Variants in EP400 observed in about 807,000 individuals in gnomAD.
The protein encoded by EP400 is E1A binding protein p400, also known as E1A-binding protein p400.
In EP400, 105 loss-of-function variants were observed where a neutral mutation model predicts 354.1. That is an observed-to-expected ratio of 0.30 (90% CI 0.25 to 0.35). The LOEUF is 0.35. EP400 is among the 10% of genes least tolerant of loss of function. EP400 has a pLI of 1.00. For missense variants in EP400, 3,280 were observed against 4,121.0 expected (o/e 0.80, Z 5.59); for synonymous variants, 1,646 against 1,716.9 (o/e 0.96, Z 1.02).
chr12:131,998,535 A>G (rs1337783261), intron 12 of EP400, among the ~76,000 whole-genome samples: 2 of 151,720 alleles, frequency 1.3e-5, no homozygotes, highest in Non-Finnish European at 2.9e-5. Context: ...TAAATGGTAT[A>G]TTTTCTAAAA....
rs764024339 is a variant in EP400, at chr12:132,005,084, G to C, written c.2835G>C (p.Leu945=). Residue 945 remains leucine (L), a synonymous_variant, in exon 13 of 53, where the codon CTG becomes CTC. Transcript: ENST00000389561. ...ELSNLAKEAE[L]PLLDLMKLYE... is the part of the protein sequence containing the mutation. Reference sequence around the variant, plus strand: ...GCCCGCAACCCTCTGCAGCTGAGCTGCCCCTCCTGGACCTGATGAAGCTGT... The same window carrying C: ...GCCCGCAACCCTCTGCAGCTGAGCTCCCCCTCCTGGACCTGATGAAGCTGT... 6.3e-7 allele frequency: 1 copy of C among 1,581,012 alleles called. No homozygotes were observed. The highest frequency in any genetic ancestry group is 1.2e-5 in the South Asian group (1 of 86,042).
At chr12:132,063,588 A>G (rs936540453) in intron 47 of EP400, among the ~76,000 whole-genome samples, 1 of 152,202 alleles carries the variant, frequency 6.6e-6, no homozygotes, top group African/African-American at 2.4e-5. Flanking sequence ...ACACATACGG[A>G]ATAAAGACAA....
At chr12:131,960,030 C>A (rs900834411) in intron 1 of EP400, among the ~76,000 whole-genome samples, 1 of 152,218 alleles carries the variant, frequency 6.6e-6, no homozygotes, top group African/African-American at 2.4e-5. Flanking sequence ...TGGTGCTGCA[C>A]ACCCTCATTC....
At position 131,995,157 on chromosome 12, in the gene EP400, CTG is replaced by C. The variant is rs199836238; in HGVS notation, c.2827+203_2827+204del. The C allele has an allele frequency of 9.6e-4, 493 of 515,324 alleles. 2 individuals are homozygous for C. Among genetic ancestry groups the C allele is most frequent in the African/African-American group, 5.8e-3 (300 of 51,802 alleles). 31.9% of individuals were successfully genotyped at this position (515,324 alleles called of 1,614,324 possible). On this transcript the variant is annotated intron_variant, in intron 12 of 52. Coordinates refer to ENST00000389561, the MANE Select transcript of EP400 (RefSeq NM_015409.5). ...GGTTGTGTGTCGGACACTGCCCTGA[CTG>C]TCTTTCTTCCCTGCCACCTGCGTGT...
Position 132,038,749 on chromosome 12 carries a change from C to G in EP400, c.6207+653C>G, listed in dbSNP as rs1300843823. Among the ~76,000 whole-genome samples, 1 of 152,186 alleles carries G rather than the reference C, an allele frequency of 6.6e-6. No individual in the cohort carries two copies. Among genetic ancestry groups the G allele is most frequent in the Non-Finnish European group, 1.5e-5 (1 of 68,030 alleles). On this transcript the variant is annotated intron_variant, in intron 32 of 52. Coordinates refer to ENST00000389561, the MANE Select transcript of EP400 (RefSeq NM_015409.5). This position sits in a 1 kb window ranked among gnomAD's most constrained non-coding sequence, Gnocchi z 4.2. Reference sequence around the variant, plus strand: ...ACAGACCCGTCACGGGGCCGCTGTTCCCTCCCTGTCCCCGTGGCTTGCCCG... The same window carrying G: ...ACAGACCCGTCACGGGGCCGCTGTTGCCTCCCTGTCCCCGTGGCTTGCCCG...
chr12:132,057,976 C>T (rs1317940392), intron 45 of EP400, among the ~76,000 whole-genome samples: 1 of 152,078 alleles, frequency 6.6e-6, no homozygotes. Context: ...TTCATGGGGG[C>T]CTTGTAGTGC....
At chr12:132,047,347 T>C (rs1895137903) in intron 39 of EP400, among the ~76,000 whole-genome samples, 1 of 152,186 alleles carries the variant, frequency 6.6e-6, no homozygotes, top group African/African-American at 2.4e-5. Context: ...AAAGCTAAAA[T>C]ATTGTATTGG....
At chr12:132,023,595 TTC>T (rs1211678875) in intron 23 of EP400, among the ~76,000 whole-genome samples, 180 bp from the exon 24 acceptor site, 1 of 152,226 alleles carries the variant, frequency 6.6e-6, no homozygotes, top group Non-Finnish European at 1.5e-5. Flanking sequence ...ACATTTTGTT[TTC>T]TCTTTTTAAT....
intron 3 of EP400, among the ~76,000 whole-genome samples, chr12:131,981,278 C>A (rs1223869453): frequency 6.6e-6 from 1 of 152,160 alleles, no homozygotes; most frequent in African/African-American, 2.4e-5. Flanking sequence ...TGTTGCTTGT[C>A]CTTGGCCTTT....
chr12:132,012,020 C>A (rs1893784265), intron 16 of EP400, among the ~76,000 whole-genome samples: 1 of 152,216 alleles, frequency 6.6e-6, no homozygotes, highest in Admixed American at 6.5e-5. Context: ...CCCATAGAAC[C>A]ATTTCCACAA....
At position 132,077,535 on chromosome 12, in the gene EP400, G is replaced by A. The variant is rs117244926; in HGVS notation, c.9234G>A (p.Ser3078=). The A allele has an allele frequency of 1.4e-3, 2,237 of 1,613,846 alleles. 43 individuals are homozygous for A. The East Asian group carries it at 0.045, about 32-fold the overall frequency. Reference sequence around the variant, plus strand: ...AGCAGCAGGTGGTGACCACGGCGTCGGCCCCGCTCCAGACTCCAGGCGCTC... The same window carrying A: ...AGCAGCAGGTGGTGACCACGGCGTCAGCCCCGCTCCAGACTCCAGGCGCTC... ...LIQQQVVTTA[S]APLQTPGAPN... Residue 3078 remains serine (S), a synonymous_variant, in exon 53 of 53, where the codon TCG becomes TCA. Coordinates refer to ENST00000389561, the MANE Select transcript of EP400 (RefSeq NM_015409.5).
At chr12:131,965,418 C>G (rs577991077) in intron 2 of EP400, among the ~76,000 whole-genome samples, 2 of 152,316 alleles carry the variant, frequency 1.3e-5, no homozygotes, top group African/African-American at 4.8e-5. Context: ...CTAACTCCAT[C>G]ATTCTGTCTA....
chr12:132,062,075 A>C (rs1235521773), intron 45 of EP400, 35 bp from the exon 46 acceptor site: 2 of 1,589,054 alleles, frequency 1.3e-6, no homozygotes, highest in Non-Finnish European at 1.7e-6. Context: ...TGCTGTGTGA[A>C]ATATTTGATG....
Position 131,982,200 on chromosome 12 carries a change from C to T in EP400, c.1651C>T (p.His551Tyr). 1 of 1,613,778 alleles carries T rather than the reference C, an allele frequency of 6.2e-7. No individual in the cohort carries two copies. Among genetic ancestry groups the T allele is most frequent in the Non-Finnish European group, 8.5e-7 (1 of 1,179,910 alleles). ...GPPVQNAASL[H>Y]TPLPQLPGRL... Reference sequence around the variant, plus strand: ...TCCCGTGCAGAACGCTGCCAGCTTGCACACCCCACTGCCGCAGCTGCCCGG... The same window carrying T: ...TCCCGTGCAGAACGCTGCCAGCTTGTACACCCCACTGCCGCAGCTGCCCGG... The change falls in exon 5 of 53, where the codon CAC becomes TAC. Residue 551 changes from histidine (H) to tyrosine (Y), a missense_variant. By Grantham distance (83) the His-to-Tyr change is moderately conservative. Around this residue, in one of 20 missense-constraint regions of EP400, gnomAD observed 800 missense variants for 840.0 expected, o/e 0.95. Coordinates refer to ENST00000389561, the MANE Select transcript of EP400 (RefSeq NM_015409.5).
chr12:131,982,379 A>G lies in EP400; in HGVS notation c.1830A>G (p.Gln610=). 1.2e-6 allele frequency: 2 copies of G among 1,613,518 alleles called. No homozygotes were observed. Among genetic ancestry groups the G allele is most frequent in the Admixed American group, 1.7e-5 (1 of 59,960 alleles). ...NVPIPAPPSS[Q]LPIPPSQPAQ... is the part of the protein sequence containing the mutation. ...CCATCCCTGCACCGCCCAGCAGCCA[A>G]CTCCCCATCCCTCCCTCGCAGCCTG... is the stretch of plus-strand genomic sequence containing the variant. The change falls in exon 5 of 53, where the codon CAA becomes CAG. Residue 610 remains glutamine, a synonymous_variant. Transcript: ENST00000389561.
In EP400 at chr12:132,054,955, ATTT is replaced by A; in HGVS notation, c.7729-9_7729-7del. 1 of 1,245,178 alleles carries A rather than the reference ATTT, an allele frequency of 8.0e-7. No homozygotes were observed. Among genetic ancestry groups the A allele is most frequent in the South Asian group, 1.3e-5 (1 of 75,130 alleles). 77.1% of individuals were successfully genotyped at this position (1,245,178 alleles called of 1,614,324 possible). ...AGAGCCTGACGTGAAATTCAAATGGATTTTTTTTTTTTAAATAGGCAGGAACCA... is the reference window on the plus strand; with the variant it reads ...AGAGCCTGACGTGAAATTCAAATGGATTTTTTTTTAAATAGGCAGGAACCA... On this transcript the variant is annotated splice_polypyrimidine_tract_variant and intron_variant, in intron 43 of 52. Transcript: ENST00000389561. The surrounding 1 kb of genome is among the most constrained non-coding windows in gnomAD (Gnocchi z 4.0).
intron 34 of EP400, 114 bp from the exon 35 acceptor site, chr12:132,044,063 G>A: frequency 7.1e-7 from 1 of 1,417,938 alleles, no homozygotes; most frequent in East Asian, 2.3e-5. Flanking sequence ...TTGTGGAGCA[G>A]TGTGTGTAGA....
rs1054048292 is a variant in EP400, at chr12:132,027,165, A to G, written c.5015-272A>G. On this transcript the variant is annotated intron_variant, in intron 25 of 52. Transcript: ENST00000389561. The surrounding 1 kb of genome is among the most constrained non-coding windows in gnomAD (Gnocchi z 4.9). ...TCTGGGTGGCTCTGGAGTGCCTCCC[A>G]AAAGAAAGGGATAAGCTGCTGGCTC... is the stretch of plus-strand genomic sequence containing the variant. Among the ~76,000 whole-genome samples the G allele has an allele frequency of 2.6e-4, 40 of 152,216 alleles. No individual in the cohort carries two copies. Among genetic ancestry groups the G allele is most frequent in the South Asian group, 4.1e-4 (2 of 4,836 alleles).
At chr12:132,003,395 A>T (rs1296621646) in intron 12 of EP400, among the ~76,000 whole-genome samples, 2 of 152,188 alleles carry the variant, frequency 1.3e-5, no homozygotes, top group Non-Finnish European at 2.9e-5. Flanking sequence ...AATATACATT[A>T]CTTTATATAA....
Sources: allele counts gnomAD v4.1 joint callset (sites outside exome capture counted in the v4.1 genomes callset), GRCh38; gene constraint gnomAD v4.1.1; regional missense constraint gnomAD v4.1.1; non-coding constraint Gnocchi (gnomAD v3.1); transcripts MANE v1.5; gene names NCBI Gene and HGNC (gene_info 2026-07-23, HGNC 2026-07-21).